Variants in UST observed in about 807,000 individuals in gnomAD.
UST encodes the protein chondroitin sulfate 2-O-sulfotransferase.
In UST, 21 loss-of-function variants were observed where a neutral mutation model predicts 45.6. That is an observed-to-expected ratio of 0.46 (90% CI 0.33 to 0.66). The LOEUF is 0.66. Among genes scored for constraint, UST ranks in the 30% least tolerant of loss-of-function variants. The pLI, the probability that UST is intolerant of heterozygous loss-of-function variation, is 0.02. For missense variants in UST, 463 were observed against 512.4 expected (o/e 0.90, Z 0.93); for synonymous variants, 215 against 200.6 (o/e 1.07, Z -0.61).
At chr6:148,788,821 A>C (rs1776783514) in intron 1 of UST, among the ~76,000 whole-genome samples, 1 of 152,208 alleles carries the variant, frequency 6.6e-6, no homozygotes, top group Non-Finnish European at 1.5e-5. Context: ...TCTGTAGCAA[A>C]TTATTTTTAC....
intron 1 of UST, among the ~76,000 whole-genome samples, chr6:148,804,363 C>T (rs532407420): frequency 6.6e-6 from 1 of 152,320 alleles, no homozygotes; most frequent in South Asian, 2.1e-4. Flanking sequence ...TCCATATCCC[C>T]TGTTGTCTGT....
At chr6:148,842,906 C>T (rs1777915568) in intron 1 of UST, among the ~76,000 whole-genome samples, 1 of 152,052 alleles carries the variant, frequency 6.6e-6, no homozygotes, top group African/African-American at 2.4e-5. Context: ...CTGTGTGGTT[C>T]TGGGAGCTAA....
intron 1 of UST, among the ~76,000 whole-genome samples, chr6:148,809,729 A>G (rs1244644494): frequency 6.6e-6 from 1 of 152,390 alleles, no homozygotes; most frequent in African/African-American, 2.4e-5. Flanking sequence ...CCATTCATGT[A>G]CATACCCATC....
At chr6:149,015,028 AG>A (rs1354736646) in intron 5 of UST, among the ~76,000 whole-genome samples, 3 of 151,942 alleles carry the variant, frequency 2.0e-5, no homozygotes, top group Non-Finnish European at 4.4e-5. Context: ...GGGGGTGAAG[AG>A]GGGGTGTGGG....
chr6:148,747,940 C>T (rs1049014022), intron 1 of UST, among the ~76,000 whole-genome samples: 2 of 152,202 alleles, frequency 1.3e-5, no homozygotes, highest in African/African-American at 4.8e-5. Context: ...CTCACCTTCC[C>T]CCCGCCCCAC....
chr6:148,792,672 T>G (rs1315209647), intron 1 of UST, among the ~76,000 whole-genome samples: 1 of 152,212 alleles, frequency 6.6e-6, no homozygotes, highest in Non-Finnish European at 1.5e-5. Context: ...TAGTTTAACT[T>G]TAGCCATTTT....
chr6:148,805,203 A>G (rs74348092), intron 1 of UST, among the ~76,000 whole-genome samples: 1,557 of 152,314 alleles, frequency 0.01, 26 homozygotes, highest in African/African-American at 0.036. Flanking sequence ...TTTGAAGGAT[A>G]TTCTTCAGTA....
At chr6:148,752,302 A>C (rs1396026828) in intron 1 of UST, among the ~76,000 whole-genome samples, 1 of 152,216 alleles carries the variant, frequency 6.6e-6, no homozygotes, top group Non-Finnish European at 1.5e-5. Context: ...TGCATTTCAC[A>C]CATGGTATAA....
chr6:148,763,009 G>A (rs999804325), intron 1 of UST, among the ~76,000 whole-genome samples: 6 of 152,162 alleles, frequency 3.9e-5, no homozygotes, highest in South Asian at 2.1e-4. Flanking sequence ...TTTCCTTCCC[G>A]TAGATACCCA....
intron 5 of UST, among the ~76,000 whole-genome samples, chr6:148,974,847 T>C (rs1780985866): frequency 6.6e-6 from 1 of 152,258 alleles, no homozygotes; most frequent in African/African-American, 2.4e-5. Flanking sequence ...AGTTTGCATA[T>C]GCATCTCCCT....
intron 1 of UST, among the ~76,000 whole-genome samples, chr6:148,855,113 C>T (rs762417722): frequency 1.3e-5 from 2 of 152,160 alleles, no homozygotes; most frequent in South Asian, 2.1e-4. Context: ...ATCACGAGAA[C>T]AGCACGAGAA....
At chr6:148,957,942 A>T (rs1162382229) in intron 4 of UST, among the ~76,000 whole-genome samples, 1 of 152,202 alleles carries the variant, frequency 6.6e-6, no homozygotes, top group African/African-American at 2.4e-5. Flanking sequence ...CATCGTTAAC[A>T]TGCCGCACGG....
chr6:148,971,896 C>T (rs1038455213), intron 5 of UST, among the ~76,000 whole-genome samples: 1 of 152,148 alleles, frequency 6.6e-6, no homozygotes, highest in African/African-American at 2.4e-5. Flanking sequence ...GGCTTCAAGT[C>T]GATGTGGATA....
At chr6:148,854,887 C>A (rs1240129456) in intron 1 of UST, among the ~76,000 whole-genome samples, 1 of 152,092 alleles carries the variant, frequency 6.6e-6, no homozygotes, top group East Asian at 1.9e-4. Context: ...TGTGTTAGTC[C>A]ATTTTCACAC....
intron 7 of UST, among the ~76,000 whole-genome samples, chr6:149,034,999 A>G (rs745983514): frequency 6.6e-6 from 1 of 151,826 alleles, no homozygotes. Context: ...CCTGTCTTCT[A>G]TTTCTGGGAA....
At chr6:148,997,029 C>CATAGT (rs1446822539) in intron 5 of UST, among the ~76,000 whole-genome samples, 1 of 152,200 alleles carries the variant, frequency 6.6e-6, no homozygotes, top group East Asian at 1.9e-4. Context: ...AGATAATGAA[C>CATAGT]ATAGTACCCA....
chr6:148,926,006 A>G (rs1265695214), intron 2 of UST, among the ~76,000 whole-genome samples: 2 of 152,242 alleles, frequency 1.3e-5, no homozygotes, highest in Non-Finnish European at 2.9e-5. Flanking sequence ...ATATATTTAT[A>G]ACAAACATTT....
chr6:148,928,170 T>G (rs1345826530), intron 2 of UST, among the ~76,000 whole-genome samples: 1 of 152,196 alleles, frequency 6.6e-6, no homozygotes, highest in Non-Finnish European at 1.5e-5. Context: ...AACTACAGTC[T>G]GAGATCAGCA....
At chr6:148,951,733 G>T (rs1296176270) in intron 3 of UST, among the ~76,000 whole-genome samples, 1 of 152,206 alleles carries the variant, frequency 6.6e-6, no homozygotes, top group Non-Finnish European at 1.5e-5. Flanking sequence ...GATCAAACCG[G>T]CTGAGAGCTG....
Sources: allele counts gnomAD v4.1 joint callset (sites outside exome capture counted in the v4.1 genomes callset), GRCh38; gene constraint gnomAD v4.1.1; transcripts MANE v1.5; gene names NCBI Gene and HGNC (gene_info 2026-07-23, HGNC 2026-07-21).